TENM2: variants seen among roughly 807,000 people sequenced by gnomAD.
The protein encoded by TENM2 is teneurin-2.
In TENM2, 52 loss-of-function variants were observed where a neutral mutation model predicts 245.2. That is an observed-to-expected ratio of 0.21 (90% confidence interval 0.17 to 0.27). TENM2 has a LOEUF of 0.27. TENM2 is among the 10% of genes least tolerant of loss of function. The pLI, the probability that TENM2 is intolerant of heterozygous loss-of-function variation, is 1.00. For synonymous variants in TENM2, 1,363 were observed against 1,438.9 expected (o/e 0.95, Z 1.19); for missense variants, 3,046 against 3,666.8 (o/e 0.83, Z 4.37).
chr5:168,203,953 C>T (rs1452627896), intron 18 of TENM2, 121 bp downstream of exon 20: 4 of 653,438 alleles, frequency 6.1e-6, no homozygotes, highest in Non-Finnish European at 9.4e-6. Context: ...CATCAAGTGC[C>T]CAAAATATGC....
chr5:167,015,516 C>T, the TENM2 span, among the ~76,000 whole-genome samples: 3 of 152,122 alleles, frequency 2.0e-5, no homozygotes, highest in Non-Finnish European at 4.4e-5. Flanking sequence ...ATTTTATATT[C>T]ATGTACTTCC....
chr5:167,972,886 A>C (rs1304687529), intron 4 of TENM2, among the ~76,000 whole-genome samples: 1 of 152,212 alleles, frequency 6.6e-6, no homozygotes, highest in Non-Finnish European at 1.5e-5. Context: ...ACATAGCTGC[A>C]GGGGAAAATC....
At chr5:167,824,430 C>A (rs972924694) in intron 2 of TENM2, among the ~76,000 whole-genome samples, 1 of 152,066 alleles carries the variant, frequency 6.6e-6, no homozygotes, top group African/African-American at 2.4e-5. Flanking sequence ...AGCTGGCAAC[C>A]CTCAGAGCTC....
chr5:168,127,373 A>C (rs1049118746), intron 12 of TENM2, among the ~76,000 whole-genome samples: 1 of 152,138 alleles, frequency 6.6e-6, no homozygotes, highest in African/African-American at 2.4e-5. Context: ...CACTAATTTT[A>C]GGTCAGGTTA....
intron 2 of TENM2, among the ~76,000 whole-genome samples, chr5:167,425,680 A>C (rs934310007): frequency 2.6e-5 from 4 of 152,206 alleles, no homozygotes; most frequent in Non-Finnish European, 4.4e-5. Context: ...TAATAACTGT[A>C]TGAACATGGG....
At chr5:167,484,963 A>G (rs923584062) in intron 2 of TENM2, among the ~76,000 whole-genome samples, 1 of 152,234 alleles carries the variant, frequency 6.6e-6, no homozygotes, top group African/African-American at 2.4e-5. Context: ...ACTCCATTGC[A>G]TATATTCCAG....
At chr5:167,296,975 C>G (rs895559064) in intron 1 of TENM2, among the ~76,000 whole-genome samples, 3 of 152,228 alleles carry the variant, frequency 2.0e-5, no homozygotes, top group African/African-American at 7.2e-5. Context: ...TCTGAAAAGT[C>G]TGCATGTCCT....
chr5:167,289,762 C>G (rs540081277), intron 1 of TENM2, among the ~76,000 whole-genome samples: 1 of 152,254 alleles, frequency 6.6e-6, no homozygotes, highest in East Asian at 1.9e-4. Flanking sequence ...TAGAGTATTA[C>G]CTGCAATGAT....
intron 2 of TENM2, among the ~76,000 whole-genome samples, chr5:167,753,344 T>C (rs1384742129): frequency 6.6e-6 from 1 of 152,224 alleles, no homozygotes; most frequent in African/African-American, 2.4e-5. Context: ...ATCCTGGCTC[T>C]GTATTTCCTA....
chr5:167,376,356 C>CT (rs2127315720), intron 2 of TENM2, among the ~76,000 whole-genome samples: 1 of 152,154 alleles, frequency 6.6e-6, no homozygotes, highest in African/African-American at 2.4e-5. Context: ...AAAAGAATTA[C>CT]CATTACCATT....
intron 12 of TENM2, chr5:168,130,040 A>C (rs574416039): frequency 6.6e-6 from 1 of 152,208 alleles, no homozygotes; most frequent in African/African-American, 2.4e-5. Flanking sequence ...CAAATAGTCA[A>C]CTGAACAATT....
the TENM2 span, among the ~76,000 whole-genome samples, chr5:167,059,722 T>TTTTTTTTG: frequency 1.1e-5 from 1 of 87,222 alleles, no homozygotes; most frequent in African/African-American, 6.4e-5. Flanking sequence ...TTTTTTTTTT[T>TTTTTTTTG]GATGGAGTTT....
intron 1 of TENM2, among the ~76,000 whole-genome samples, chr5:167,327,024 T>A (rs185564637): frequency 2.2e-4 from 33 of 152,330 alleles, no homozygotes; most frequent in Admixed American, 1.3e-3. Flanking sequence ...TATTCTTTTT[T>A]AAAAAATTTT....
At chr5:167,400,465 G>C (rs1310137490) in intron 2 of TENM2, among the ~76,000 whole-genome samples, 1 of 152,114 alleles carries the variant, frequency 6.6e-6, no homozygotes, top group Non-Finnish European at 1.5e-5. Context: ...AGGAAGTTTG[G>C]TTTTGAAAAA....
chr5:167,191,562 T>G, the TENM2 span, among the ~76,000 whole-genome samples: 1 of 152,186 alleles, frequency 6.6e-6, no homozygotes, highest in African/African-American at 2.4e-5. Context: ...CTGTCATCTT[T>G]CCTTAGATGA....
chr5:167,442,387 C>G (rs1328285116), intron 2 of TENM2, among the ~76,000 whole-genome samples: 1 of 152,062 alleles, frequency 6.6e-6, no homozygotes, highest in Non-Finnish European at 1.5e-5. Context: ...TGAGTGGGCT[C>G]TCTAAACCCA....
At chr5:167,973,748 G>A (rs1008854796) in intron 4 of TENM2, among the ~76,000 whole-genome samples, 1 of 152,004 alleles carries the variant, frequency 6.6e-6, no homozygotes, top group Non-Finnish European at 1.5e-5. Flanking sequence ...CCAGCATTCT[G>A]GACCAACCAG....
chr5:167,932,013 C>T (rs1778326897), intron 3 of TENM2, among the ~76,000 whole-genome samples: 1 of 152,134 alleles, frequency 6.6e-6, no homozygotes, highest in South Asian at 2.1e-4. Context: ...ATATAAAACA[C>T]CAGAGAAGAA....
the TENM2 span, among the ~76,000 whole-genome samples, chr5:167,158,375 A>G: frequency 2.6e-5 from 4 of 152,112 alleles, no homozygotes; most frequent in African/African-American, 9.7e-5. Flanking sequence ...ACATTTTTAT[A>G]TCTTATATGA....
Sources: allele counts gnomAD v4.1 joint callset (sites outside exome capture counted in the v4.1 genomes callset), GRCh38; gene constraint gnomAD v4.1.1; transcripts MANE v1.5; gene names NCBI Gene and HGNC (gene_info 2026-07-23, HGNC 2026-07-21).